Variants in LMBR1 observed in about 807,000 individuals in gnomAD.
LMBR1 encodes the protein limb development membrane protein 1.
LMBR1 carries 52 observed loss-of-function variants against 73.9 expected under a neutral mutation model. That is an observed-to-expected ratio of 0.70 (90% confidence interval 0.56 to 0.89). LMBR1 has a LOEUF of 0.89. LMBR1 is among the 40% of genes least tolerant of loss of function. The probability of loss-of-function intolerance (pLI) is 0.00; values close to 1 mark genes in which losing one functional copy is unlikely to be tolerated. For missense variants in LMBR1, 539 were observed against 579.8 expected, an observed-to-expected ratio of 0.93 and a Z score of 0.72; for synonymous variants, 215 against 209.4, an observed-to-expected ratio of 1.03 and a Z score of -0.23.
chr7:156,785,062 T>C (rs1248031779), intron 5 of LMBR1, among the ~76,000 whole-genome samples: 1 of 152,144 alleles, frequency 6.6e-6, no homozygotes, highest in Non-Finnish European at 1.5e-5. Flanking sequence ...ACACACTAAT[T>C]ACAGTAAAAC....
intron 4 of LMBR1, among the ~76,000 whole-genome samples, chr7:156,671,403 T>A (rs2131654913): frequency 6.6e-6 from 1 of 152,336 alleles, no homozygotes; most frequent in East Asian, 1.9e-4. Flanking sequence ...AAGGCTGATG[T>A]GCTGATACCT....
chr7:156,724,835 TA>T (rs1245704283), intron 14 of LMBR1, among the ~76,000 whole-genome samples: 1 of 151,206 alleles, frequency 6.6e-6, no homozygotes, highest in East Asian at 1.9e-4. Context: ...TTAAGTAGGC[TA>T]AAAATATAAA....
At chr7:156,840,944 G>A (rs1443384124) in intron 1 of LMBR1, among the ~76,000 whole-genome samples, 4 of 134,342 alleles carry the variant, frequency 3.0e-5, no homozygotes, top group Admixed American at 8.2e-5. Context: ...CAGCCTGGGC[G>A]ACTGAGCAAG....
At chr7:156,835,972 A>G (rs1837578454) in intron 2 of LMBR1, among the ~76,000 whole-genome samples, 1 of 152,158 alleles carries the variant, frequency 6.6e-6, no homozygotes, top group Non-Finnish European at 1.5e-5. Context: ...ATTTTTTTAA[A>G]TAGCTACGAT....
At chr7:156,806,456 AT>A (rs534881958) in intron 4 of LMBR1, among the ~76,000 whole-genome samples, 61 of 123,992 alleles carry the variant, frequency 4.9e-4, no homozygotes, top group East Asian at 3.8e-3. Flanking sequence ...TCAGTGACTT[AT>A]TTTTTTTAAA....
rs71189962 is a variant in LMBR1 at position 156,806,598 on chromosome 7, C to CT, written c.320-10107dup. On this transcript the variant is annotated intron_variant, in intron 4 of 16. Coordinates refer to ENST00000353442, the MANE Select transcript of LMBR1 (RefSeq NM_022458.4). ...GTTATCAGTAGGTTTTTTGTAGATG[C>CT]TTTTTTTTTTTTTTTTTTTTTTTTT... Among the ~76,000 whole-genome samples, 380 of 44,674 alleles carry CT rather than the reference C, an allele frequency of 8.5e-3. 73 individuals carry two copies. Among genetic ancestry groups the CT allele is most frequent in the African/African-American group, 0.012 (121 of 9,870 alleles). The allele number at this position is 44,674 out of a possible 152,430, so 29.3% of individuals were successfully genotyped here.
chr7:156,777,226 C>T (rs1320002816), intron 5 of LMBR1, among the ~76,000 whole-genome samples: 1 of 152,180 alleles, frequency 6.6e-6, no homozygotes, highest in East Asian at 1.9e-4. Context: ...TCAGTCACCA[C>T]GCCTGGCCTT....
intron 5 of LMBR1, among the ~76,000 whole-genome samples, chr7:156,775,223 C>T (rs1379496455): frequency 6.6e-6 from 1 of 151,980 alleles, no homozygotes; most frequent in Admixed American, 6.5e-5. Flanking sequence ...CAAAAATTAG[C>T]TGGGTGTGGT....
downstream of LMBR1, among the ~76,000 whole-genome samples, chr7:156,677,516 C>A (rs1435323568): frequency 6.6e-6 from 1 of 152,092 alleles, no homozygotes; most frequent in Non-Finnish European, 1.5e-5. Flanking sequence ...CCAGGCCATG[C>A]TTGGGAGTGG....
intron 15 of LMBR1, among the ~76,000 whole-genome samples, chr7:156,703,698 C>T (rs1314981008): frequency 6.6e-6 from 1 of 152,132 alleles, no homozygotes; most frequent in East Asian, 1.9e-4. Context: ...TGCCTCACTA[C>T]CCTTGTTGGG....
At chr7:156,770,016 T>C (rs560805298) in intron 5 of LMBR1, among the ~76,000 whole-genome samples, 1 of 152,304 alleles carries the variant, frequency 6.6e-6, no homozygotes, top group South Asian at 2.1e-4. Flanking sequence ...TCTATCAGTC[T>C]GTGACTGCCC....
intron 1 of LMBR1, among the ~76,000 whole-genome samples, chr7:156,864,309 T>C (rs1798146447): frequency 6.6e-6 from 1 of 152,248 alleles, no homozygotes; most frequent in Non-Finnish European, 1.5e-5. Flanking sequence ...ATAATCTGTA[T>C]TGGTTTTGTC....
downstream of LMBR1, chr7:156,676,550 T>C (rs773286485): frequency 8.1e-6 from 13 of 1,614,086 alleles, no homozygotes; most frequent in African/African-American, 2.7e-5. Context: ...TGTTCCACCA[T>C]GCGTGTCTGC....
At chr7:156,816,176 GA>G (rs1233350183) in intron 4 of LMBR1, among the ~76,000 whole-genome samples, 1 of 151,852 alleles carries the variant, frequency 6.6e-6, no homozygotes, top group African/African-American at 2.4e-5. Context: ...AAAGCTAAAT[GA>G]AAAAAATATT....
chr7:156,781,283 C>G (rs1309203018), intron 5 of LMBR1, among the ~76,000 whole-genome samples: 2 of 152,068 alleles, frequency 1.3e-5, no homozygotes, highest in African/African-American at 2.4e-5. Flanking sequence ...ACACAAAAAG[C>G]ACTAGAAATT....
At chr7:156,752,914 TAAC>T (rs1821165381) in intron 9 of LMBR1, among the ~76,000 whole-genome samples, 3 of 144,620 alleles carry the variant, frequency 2.1e-5, no homozygotes, top group Admixed American at 1.4e-4. Context: ...GGACTGATTC[TAAC>T]AACAGTCCAG....
At chr7:156,763,929 A>G in intron 5 of LMBR1, 134 bp from the exon 6 acceptor site, 1 of 586,088 alleles carries the variant, frequency 1.7e-6, no homozygotes, top group East Asian at 3.3e-5. Flanking sequence ...GGAAAAAAAC[A>G]CTAGGTACTT....
chr7:156,675,953 C>T, downstream of LMBR1: 2 of 1,347,268 alleles, frequency 1.5e-6, no homozygotes, highest in Non-Finnish European at 2.1e-6. Context: ...GTCGAGGACT[C>T]ACTTTGGGGA....
chr7:156,869,307 C>T (rs1484908326), intron 1 of LMBR1, among the ~76,000 whole-genome samples: 2 of 151,078 alleles, frequency 1.3e-5, no homozygotes, highest in Non-Finnish European at 2.9e-5. Flanking sequence ...CTACTACAGA[C>T]GTGAAGAAGA....
Sources: gnomAD v4.1 joint callset for allele counts (sites outside exome capture counted in the v4.1 genomes callset) on GRCh38, gnomAD v4.1.1 for gene constraint, MANE v1.5 for transcripts, NCBI Gene and HGNC (gene_info 2026-07-23, HGNC 2026-07-21) for gene names.